Variants in PKIB observed in about 807,000 individuals in gnomAD.
PKIB encodes the protein cAMP-dependent protein kinase inhibitor beta.
In PKIB, 2 loss-of-function variants were observed where a neutral mutation model predicts 4.5. The observed-to-expected ratio is 0.44, with a 90% CI of 0.18 to 1.39. The LOEUF (loss-of-function observed/expected upper bound fraction) is 1.39, where lower values mean the gene tolerates loss of function less well. Ranked by LOEUF, PKIB falls within the 40% of genes most tolerant of loss-of-function variation. PKIB has a pLI of 0.27. For missense variants in PKIB, 94 were observed against 92.6 expected (o/e 1.02, Z -0.06); for synonymous variants, 38 against 36.0 (o/e 1.06, Z -0.20).
Position 122,479,332 on chromosome 6 carries a change from G to C in PKIB, c.-248+1393G>C, listed in dbSNP as rs571082223. ...AATATCTTAATCCTGCCCTGAGAAA[G>C]GTACTTCATACTTTATAGAGTTTTG... On this transcript the variant is annotated intron_variant, in intron 2 of 6. Transcript: ENST00000392491. 4 of 152,148 alleles carry C rather than the reference G, an allele frequency of 2.6e-5. No individual in the cohort carries two copies. In the East Asian group the frequency reaches 7.8e-4, roughly 29 times the overall value. The allele number at this position is 152,148 out of a possible 1,614,324, so 9.4% of individuals were successfully genotyped here. A position where few individuals can be genotyped will look rare whatever the true frequency, so the allele number is the denominator to read the frequency against.
At chr6:122,664,422 T>A (rs1184374997) in intron 2 of PKIB, among the ~76,000 whole-genome samples, 1 of 152,226 alleles carries the variant, frequency 6.6e-6, no homozygotes, top group Non-Finnish European at 1.5e-5. Context: ...ACTTATTTAT[T>A]TATTTTAGAG....
At chr6:122,475,523 C>T (rs1310491833) in intron 1 of PKIB, among the ~76,000 whole-genome samples, 8 of 152,186 alleles carry the variant, frequency 5.3e-5, no homozygotes, top group East Asian at 1.9e-4. Flanking sequence ...TGGTGGCTCA[C>T]GCCTGTAATC....
At chr6:122,539,798 A>T (rs1228015426) in intron 2 of PKIB, among the ~76,000 whole-genome samples, 1 of 151,974 alleles carries the variant, frequency 6.6e-6, no homozygotes, top group East Asian at 1.9e-4. Flanking sequence ...TCGGCTGTGA[A>T]TCCATCTGGT....
At chr6:122,508,986 T>C (rs1158072324) in intron 2 of PKIB, among the ~76,000 whole-genome samples, 1 of 152,168 alleles carries the variant, frequency 6.6e-6, no homozygotes, top group African/African-American at 2.4e-5. Flanking sequence ...CCTGACCTAG[T>C]GATCCGCCCA....
At chr6:122,565,438 A>G (rs767438428) in intron 2 of PKIB, among the ~76,000 whole-genome samples, 2 of 152,178 alleles carry the variant, frequency 1.3e-5, no homozygotes, top group Non-Finnish European at 2.9e-5. Flanking sequence ...TCAGATTGTT[A>G]GATGCAGATA....
intron 2 of PKIB, among the ~76,000 whole-genome samples, chr6:122,533,972 C>T (rs1292425324): frequency 6.6e-6 from 1 of 151,798 alleles, no homozygotes; most frequent in Non-Finnish European, 1.5e-5. Context: ...CTTATCACAT[C>T]TTGTATTTTG....
intron 2 of PKIB, chr6:122,480,204 G>T (rs1344274182): frequency 6.6e-6 from 1 of 152,054 alleles, no homozygotes; most frequent in African/African-American, 2.4e-5. Context: ...CACCACGCCC[G>T]GCTAGTTTTT....
chr6:122,680,190 G>C (rs958990769), intron 3 of PKIB, among the ~76,000 whole-genome samples: 2 of 152,198 alleles, frequency 1.3e-5, no homozygotes, highest in African/African-American at 2.4e-5. Flanking sequence ...ATACATAGGA[G>C]CCTTCAGAAT....
At chr6:122,693,899 G>T (rs374928687) in intron 3 of PKIB, among the ~76,000 whole-genome samples, 2 of 152,148 alleles carry the variant, frequency 1.3e-5, no homozygotes, top group East Asian at 3.9e-4. Flanking sequence ...GACTGATCTA[G>T]ACAAGGCCAT....
chr6:122,544,115 T>C (rs1234018068), intron 2 of PKIB, among the ~76,000 whole-genome samples: 1 of 151,898 alleles, frequency 6.6e-6, no homozygotes, highest in Non-Finnish European at 1.5e-5. Flanking sequence ...AATACACTGA[T>C]ACCTATTAAA....
At chr6:122,548,849 G>T (rs577388827) in intron 2 of PKIB, among the ~76,000 whole-genome samples, 2 of 152,166 alleles carry the variant, frequency 1.3e-5, no homozygotes, top group South Asian at 4.2e-4. Context: ...TAAAGAAAAA[G>T]AAGAAATACT....
chr6:122,640,782 A>G (rs9490507), intron 2 of PKIB, among the ~76,000 whole-genome samples: 41,464 of 152,128 alleles, frequency 0.27, 6,422 homozygotes, highest in Non-Finnish European at 0.35. Flanking sequence ...CACTTCTCAC[A>G]TGCCTACCAG....
chr6:122,500,120 TC>T (rs34558790), intron 2 of PKIB, among the ~76,000 whole-genome samples: 1 of 152,146 alleles, frequency 6.6e-6, no homozygotes, highest in Non-Finnish European at 1.5e-5. Context: ...TGGCCATACT[TC>T]CCAGAGAAAT....
At chr6:122,577,782 G>A (rs750278473) in intron 2 of PKIB, among the ~76,000 whole-genome samples, 6 of 151,656 alleles carry the variant, frequency 4.0e-5, no homozygotes, top group Non-Finnish European at 5.9e-5. Flanking sequence ...GGTGGTGGCC[G>A]CCTGTAGTCC....
chr6:122,648,183 C>A (rs1448270731), intron 2 of PKIB, among the ~76,000 whole-genome samples: 1 of 152,186 alleles, frequency 6.6e-6, no homozygotes, highest in African/African-American at 2.4e-5. Context: ...GGAACCCTTT[C>A]GTCTCCTAGT....
At chr6:122,601,442 C>T (rs1774360736) in intron 3 of PKIB, among the ~76,000 whole-genome samples, 1 of 152,114 alleles carries the variant, frequency 6.6e-6, no homozygotes, top group South Asian at 2.1e-4. Context: ...ACCTCTCACC[C>T]TAGAATTCTG....
At chr6:122,558,948 C>A (rs1050412085) in intron 2 of PKIB, among the ~76,000 whole-genome samples, 2 of 152,126 alleles carry the variant, frequency 1.3e-5, no homozygotes, top group African/African-American at 4.8e-5. Context: ...ATCATTCTTA[C>A]GCCTTTGCGC....
chr6:122,545,766 C>G (rs980851704), intron 2 of PKIB, among the ~76,000 whole-genome samples: 8 of 150,890 alleles, frequency 5.3e-5, no homozygotes, highest in Admixed American at 1.3e-4. Flanking sequence ...AACAAACCTG[C>G]ACCTGTATCC....
At chr6:122,664,727 G>T (rs921805770) in intron 2 of PKIB, among the ~76,000 whole-genome samples, 11 of 151,726 alleles carry the variant, frequency 7.2e-5, no homozygotes, top group Admixed American at 1.3e-4. Context: ...AATTTTTTTT[G>T]TTGTTGTTTA....
Sources: allele counts gnomAD v4.1 joint callset (sites outside exome capture counted in the v4.1 genomes callset), GRCh38; gene constraint gnomAD v4.1.1; transcripts MANE v1.5; gene names NCBI Gene and HGNC (gene_info 2026-07-23, HGNC 2026-07-21).